KCNIP4: variants seen among roughly 807,000 people sequenced by gnomAD.
KCNIP4 encodes the protein potassium voltage-gated channel interacting protein 4, also known as Kv channel-interacting protein 4.
KCNIP4 carries 12 observed loss-of-function variants against 34.0 expected under a neutral mutation model. The ratio of observed to expected loss-of-function variants is 0.35; its 90% CI spans 0.23 to 0.57. The LOEUF (loss-of-function observed/expected upper bound fraction) is 0.57, where lower values mean the gene tolerates loss of function less well. KCNIP4 is among the 20% of genes least tolerant of loss of function. The pLI, the probability that KCNIP4 is intolerant of heterozygous loss-of-function variation, is 0.83. For synonymous variants in KCNIP4, 124 were observed against 102.2 expected (o/e 1.21, Z -1.29); for missense variants, 238 against 311.7 (o/e 0.76, Z 1.78).
intron 1 of KCNIP4, among the ~76,000 whole-genome samples, chr4:21,452,365 G>T (rs1019506225): frequency 1.3e-5 from 2 of 152,062 alleles, no homozygotes; most frequent in Non-Finnish European, 2.9e-5. Context: ...AGAGTAAAGG[G>T]TAGAAATTTC....
In KCNIP4 at chr4:21,757,358, G is replaced by A. The variant is rs1823503; in HGVS notation, c.61+191213C>T. ...ATCATTCAGGATACCTCTTTGTGTG[G>A]GTTAGATCTCTGACAACAGAGAACG... On this transcript the variant is annotated intron_variant, in intron 1 of 8. Coordinates refer to ENST00000382152, the MANE Select transcript of KCNIP4 (RefSeq NM_025221.6). Among the ~76,000 whole-genome samples the A allele has an allele frequency of 7.6e-3, 1,160 of 152,126 alleles. 5 individuals are homozygous for A. The highest frequency in any genetic ancestry group is 0.012 in the Non-Finnish European group (808 of 67,978).
intron 1 of KCNIP4, among the ~76,000 whole-genome samples, chr4:21,420,839 G>T (rs1485787044): frequency 1.3e-5 from 2 of 152,160 alleles, no homozygotes; most frequent in Non-Finnish European, 2.9e-5. Flanking sequence ...ACAATCAACA[G>T]AGTGAGTGAA....
At chr4:21,665,475 G>A (rs1171398571) in intron 1 of KCNIP4, among the ~76,000 whole-genome samples, 2 of 151,574 alleles carry the variant, frequency 1.3e-5, no homozygotes, top group East Asian at 3.9e-4. Context: ...AGGAAAAGCT[G>A]AGGAATGGTT....
At chr4:21,116,180 C>T (rs1749660206) in intron 1 of KCNIP4, among the ~76,000 whole-genome samples, 1 of 152,274 alleles carries the variant, frequency 6.6e-6, no homozygotes, top group East Asian at 1.9e-4. Flanking sequence ...TTTTAAAATT[C>T]CTTTTCTTGA....
rs1553931908 is a variant in KCNIP4 at position 21,789,091 on chromosome 4, A to AAT, written c.61+159479_61+159480insAT. On this transcript the variant is annotated intron_variant, in intron 1 of 8. Transcript: ENST00000382152. Reference sequence around the variant, plus strand: ...CTGTCAAAAAAAAAAAAAAAAAAAAAGTCTAGCTGAGGTTCAAGGGAGGAT... The same window carrying AAT: ...CTGTCAAAAAAAAAAAAAAAAAAAAAATGTCTAGCTGAGGTTCAAGGGAGGAT... 4.9e-5 allele frequency among the ~76,000 whole-genome samples: 7 copies of AAT among 143,096 alleles called. No homozygotes were observed. In the South Asian group the frequency reaches 1.3e-3, roughly 27 times the overall value. 93.9% of individuals were successfully genotyped at this position (143,096 alleles called of 152,430 possible). A position where few individuals can be genotyped will look rare whatever the true frequency, so the allele number is the denominator to read the frequency against.
intron 1 of KCNIP4, among the ~76,000 whole-genome samples, chr4:21,255,944 A>C (rs10031295): frequency 0.033 from 4,969 of 152,312 alleles, 276 homozygotes; most frequent in African/African-American, 0.11. Flanking sequence ...ACTGAAGATA[A>C]AACAGTGAAC....
At chr4:21,012,155 C>A (rs1319810124) in intron 1 of KCNIP4, among the ~76,000 whole-genome samples, 7 of 152,154 alleles carry the variant, frequency 4.6e-5, no homozygotes, top group African/African-American at 1.7e-4. Context: ...CAGAGTCAAG[C>A]CTTGTGGTTC....
chr4:21,935,674 C>A (rs112346005), intron 1 of KCNIP4, among the ~76,000 whole-genome samples: 30 of 152,168 alleles, frequency 2.0e-4, no homozygotes, highest in African/African-American at 4.8e-4. Flanking sequence ...CCCTCCACGA[C>A]CCCCACATAT....
At chr4:21,615,229 G>T (rs573831467) in intron 1 of KCNIP4, among the ~76,000 whole-genome samples, 1 of 152,014 alleles carries the variant, frequency 6.6e-6, no homozygotes, top group Admixed American at 6.6e-5. Context: ...AAAGAAACTA[G>T]AAATAACTTT....
At chr4:21,798,511 GGAAAA>G (rs1369741626) in intron 1 of KCNIP4, among the ~76,000 whole-genome samples, 2,313 of 60,056 alleles carry the variant, frequency 0.039, 66 homozygotes, top group African/African-American at 0.15. Context: ...CAAGACCCTG[GGAAAA>G]AAAAAAAAAA....
chr4:21,296,331 C>G (rs1763838770), intron 1 of KCNIP4, among the ~76,000 whole-genome samples: 1 of 151,632 alleles, frequency 6.6e-6, no homozygotes, highest in Admixed American at 6.6e-5. Context: ...ATCTTACAAG[C>G]ACAGCTCTCA....
At position 21,757,287 on chromosome 4, in the gene KCNIP4, GAGAAA is replaced by G. The variant is rs1289217876; in HGVS notation, c.61+191279_61+191283del. The stretch of plus-strand genomic sequence containing the variant: ...GAAAAGAAAAGAAAAGAAAAGAAAA[GAGAAA>G]AGAAAAGAAAAGAGAAAAGAAAGAA... On this transcript the variant is annotated intron_variant, in intron 1 of 8. Transcript: ENST00000382152. 4.8e-5 allele frequency among the ~76,000 whole-genome samples: 4 copies of G among 83,486 alleles called. No individual in the cohort carries two copies. The East Asian group carries it at 8.5e-4, about 18-fold the overall frequency. 54.8% of individuals were successfully genotyped at this position (83,486 alleles called of 152,430 possible). A position where few individuals can be genotyped will look rare whatever the true frequency, so the allele number is the denominator to read the frequency against.
At chr4:21,121,211 C>T (rs570195098) in intron 1 of KCNIP4, among the ~76,000 whole-genome samples, 31 of 152,138 alleles carry the variant, frequency 2.0e-4, no homozygotes, top group African/African-American at 3.1e-4. Context: ...TGAAATCAGC[C>T]GGCCCTTTGC....
chr4:21,190,374 G>T (rs1043045820), intron 1 of KCNIP4, among the ~76,000 whole-genome samples: 1 of 152,234 alleles, frequency 6.6e-6, no homozygotes, highest in African/African-American at 2.4e-5. Flanking sequence ...GTTGGTATTT[G>T]GTTCAGCAGT....
chr4:21,805,762 T>C (rs2109260573), intron 1 of KCNIP4, among the ~76,000 whole-genome samples: 1 of 152,304 alleles, frequency 6.6e-6, no homozygotes, highest in African/African-American at 2.4e-5. Context: ...CCCTTCCAGC[T>C]ACACCCTTCC....
At chr4:20,819,333 G>T (rs970204730) in intron 3 of KCNIP4, among the ~76,000 whole-genome samples, 1 of 152,096 alleles carries the variant, frequency 6.6e-6, no homozygotes, top group African/African-American at 2.4e-5. Flanking sequence ...GAGGACTGAA[G>T]ACCCAAAGAT....
chr4:20,793,333 T>C (rs1713019961), intron 3 of KCNIP4, among the ~76,000 whole-genome samples: 1 of 152,150 alleles, frequency 6.6e-6, no homozygotes, highest in South Asian at 2.1e-4. Context: ...TTTTATAAAA[T>C]TTTAGAAACT....
chr4:21,612,742 A>G (rs908167002), intron 1 of KCNIP4, among the ~76,000 whole-genome samples: 18 of 152,294 alleles, frequency 1.2e-4, no homozygotes, highest in African/African-American at 4.1e-4. Flanking sequence ...ATCTTCAATA[A>G]TACTGTCACC....
intron 1 of KCNIP4, among the ~76,000 whole-genome samples, chr4:21,115,712 G>A (rs1467154617): frequency 1.3e-5 from 2 of 152,044 alleles, no homozygotes; most frequent in African/African-American, 2.4e-5. Context: ...GGGAATAAAT[G>A]GGGAACCAAA....
Sources: gnomAD v4.1 joint callset for allele counts (sites outside exome capture counted in the v4.1 genomes callset) on GRCh38, gnomAD v4.1.1 for gene constraint, MANE v1.5 for transcripts, NCBI Gene and HGNC (gene_info 2026-07-23, HGNC 2026-07-21) for gene names.